Variants in ADGRV1 observed in about 807,000 individuals in gnomAD.
ADGRV1 encodes G-protein coupled receptor 98.
A neutral mutation model predicts 596.2 loss-of-function variants in ADGRV1; 359 were observed. That is an observed-to-expected ratio of 0.60 (90% confidence interval 0.55 to 0.66). The LOEUF is 0.66. Ranked by LOEUF, ADGRV1 falls within the 30% of genes least tolerant of loss-of-function variation. The pLI, the probability that ADGRV1 is intolerant of heterozygous loss-of-function variation, is 0.00. For missense variants in ADGRV1, 7,274 were observed against 7,575.6 expected, an observed-to-expected ratio of 0.96 and a Z score of 1.48; for synonymous variants, 2,681 against 2,679.2, an observed-to-expected ratio of 1.00 and a Z score of -0.02.
At position 90,805,277 on chromosome 5, in the gene ADGRV1, C is replaced by T; in HGVS notation, c.14662-7C>T. ...AATAAAATACTCTAAGCATGATTTTCCCTCAGGTCGGATTTGAATCCACTG... is the reference window on the plus strand; with the variant it reads ...AATAAAATACTCTAAGCATGATTTTTCCTCAGGTCGGATTTGAATCCACTG... On this transcript the variant is annotated splice_polypyrimidine_tract_variant and splice_region_variant and intron_variant, in intron 71 of 89. Transcript: ENST00000405460. 1.2e-6 allele frequency: 2 copies of T among 1,606,042 alleles called. No homozygotes were observed. The highest frequency in any genetic ancestry group is 1.7e-5 in the Admixed American group (1 of 59,856).
At position 90,614,710 on chromosome 5, in the gene ADGRV1, T is replaced by C. The variant is rs1449675288; in HGVS notation, c.23-125T>C. 6.7e-6 allele frequency: 5 copies of C among 747,634 alleles called. No homozygotes were observed. The East Asian group carries it at 1.4e-4, about 20-fold the overall frequency. 46.3% of individuals were successfully genotyped at this position (747,634 alleles called of 1,614,324 possible). ...TTGAGTTTGATGGCTTAATAGTAGA[T>C]GTATTTATGTCTTAGTTGTTTGCTG... On this transcript the variant is annotated intron_variant, in intron 1 of 89. Coordinates refer to ENST00000405460, the MANE Select transcript of ADGRV1 (RefSeq NM_032119.4).
intron 83 of ADGRV1, among the ~76,000 whole-genome samples, chr5:90,946,861 T>G (rs1007407920): frequency 3.3e-5 from 5 of 152,198 alleles, no homozygotes; most frequent in African/African-American, 1.2e-4. Context: ...ATCCAGTCTA[T>G]CATTGATGGA....
intron 85 of ADGRV1, among the ~76,000 whole-genome samples, chr5:91,013,957 T>G (rs1782940128): frequency 1.3e-5 from 2 of 151,980 alleles, no homozygotes; most frequent in Admixed American, 6.6e-5. Context: ...ATTTATTGAA[T>G]AGGGAGTCTT....
intron 30 of ADGRV1, among the ~76,000 whole-genome samples, chr5:90,690,411 C>T (rs1746313094): frequency 6.6e-6 from 1 of 152,114 alleles, no homozygotes; most frequent in Admixed American, 6.5e-5. Context: ...GATTTCTGGG[C>T]TTTCTTGATA....
Position 91,030,978 on chromosome 5 carries a change from C to A in ADGRV1, c.18153-41469C>A. On this transcript the variant is annotated intron_variant, in intron 85 of 89. Transcript: ENST00000405460. ...TTGTAATCAAAGGAAAAAACGTCGA[C>A]TGATTTTATATGTCAATCAGTTGTA... is the stretch of plus-strand genomic sequence containing the variant. 3.0e-6 allele frequency: 4 copies of A among 1,323,526 alleles called. No individual in the cohort carries two copies. In the South Asian group the frequency reaches 7.2e-5, roughly 24 times the overall value. The allele number at this position is 1,323,526 out of a possible 1,614,324, so 82.0% of individuals were successfully genotyped here. A position where few individuals can be genotyped will look rare whatever the true frequency, so the allele number is the denominator to read the frequency against.
intron 74 of ADGRV1, among the ~76,000 whole-genome samples, chr5:90,814,649 C>T (rs1014038583): frequency 3.3e-5 from 5 of 152,116 alleles, no homozygotes; most frequent in East Asian, 3.8e-4. Flanking sequence ...CCATATATGA[C>T]GTGCTTTGCT....
intron 8 of ADGRV1, 61 bp from the exon 9 acceptor site, chr5:90,629,149 A>G: frequency 2.3e-6 from 2 of 866,172 alleles, no homozygotes; most frequent in Non-Finnish European, 3.3e-6. Flanking sequence ...TGGAAAATAC[A>G]GAGTTTGATC....
At chr5:90,636,927 A>G (rs768818805) in intron 10 of ADGRV1, among the ~76,000 whole-genome samples, 1 of 152,194 alleles carries the variant, frequency 6.6e-6, no homozygotes, top group Non-Finnish European at 1.5e-5. Context: ...AAAAAACTTC[A>G]TCATGATATG....
intron 83 of ADGRV1, among the ~76,000 whole-genome samples, chr5:90,896,123 A>C (rs921511490): frequency 4.0e-5 from 6 of 151,758 alleles, no homozygotes; most frequent in African/African-American, 1.5e-4. Context: ...GTGATAAATT[A>C]ATTTAAATGC....
intron 78 of ADGRV1, among the ~76,000 whole-genome samples, chr5:90,847,871 G>T (rs113276036): frequency 9.2e-5 from 14 of 152,064 alleles, no homozygotes; most frequent in Non-Finnish European, 2.9e-5. Flanking sequence ...TGAGGGAGCC[G>T]GTTCCCGCCT....
intron 43 of ADGRV1, among the ~76,000 whole-genome samples, chr5:90,719,089 C>G (rs1568308): frequency 6.6e-6 from 1 of 151,742 alleles, no homozygotes; most frequent in African/African-American, 2.4e-5. Flanking sequence ...TGTAATCTTC[C>G]GGGGGCTAGG....
In ADGRV1 at chr5:90,629,198, C is replaced by A; in HGVS notation, c.1510-12C>A. 2.0e-6 allele frequency: 3 copies of A among 1,464,760 alleles called. No homozygotes were observed. The highest frequency in any genetic ancestry group is 3.0e-5 in the South Asian group (2 of 65,894). 90.7% of individuals were successfully genotyped at this position (1,464,760 alleles called of 1,614,324 possible). ...GAATTCTGTACTTTAATATTTTATT[C>A]CTTTACTTCAGCTTTTGTTCTACAT... On this transcript the variant is annotated splice_polypyrimidine_tract_variant and intron_variant, in intron 8 of 89. Coordinates refer to ENST00000405460, the MANE Select transcript of ADGRV1 (RefSeq NM_032119.4).
intron 84 of ADGRV1, among the ~76,000 whole-genome samples, chr5:90,982,818 T>C (rs924640548): frequency 2.0e-5 from 3 of 152,126 alleles, no homozygotes; most frequent in African/African-American, 7.2e-5. Context: ...CAGAGCACAC[T>C]GAGCGCACTC....
chr5:91,006,116 C>T (rs1167036859), intron 85 of ADGRV1, among the ~76,000 whole-genome samples: 1 of 152,042 alleles, frequency 6.6e-6, no homozygotes, highest in Non-Finnish European at 1.5e-5. Flanking sequence ...CGCCCATGTT[C>T]CTGGAAGTTT....
At position 90,750,718 on chromosome 5, in the gene ADGRV1, T is replaced by C. The variant is rs1275657292; in HGVS notation, c.11121+21T>C. ...GAGTGGTATGTAATTTACAAAGTTA[T>C]AGGAAACACTTTTAAATTATGGTTA... On this transcript the variant is annotated intron_variant, in intron 53 of 89. Coordinates refer to ENST00000405460, the MANE Select transcript of ADGRV1 (RefSeq NM_032119.4). 3 of 1,593,182 alleles carry C rather than the reference T, an allele frequency of 1.9e-6. No homozygotes were observed. In the East Asian group the frequency reaches 6.7e-5, roughly 36 times the overall value.
At position 90,995,634 on chromosome 5, in the gene ADGRV1, G is replaced by A. The variant is rs182488400; in HGVS notation, c.18152+10112G>A. On this transcript the variant is annotated intron_variant, in intron 85 of 89. Transcript: ENST00000405460. The stretch of plus-strand genomic sequence containing the variant: ...AAGGTGGAAGCAACTTTGAAATGGG[G>A]TAACAGGCAGAGATTGGAACAGTTT... Among the ~76,000 whole-genome samples the A allele has an allele frequency of 5.5e-3, 841 of 152,312 alleles. 8 individuals carry two copies. The highest frequency in any genetic ancestry group is 9.6e-3 in the Non-Finnish European group (653 of 68,020).
chr5:90,888,452 A>C (rs945787342), intron 83 of ADGRV1, among the ~76,000 whole-genome samples: 3 of 152,302 alleles, frequency 2.0e-5, no homozygotes, highest in Middle Eastern at 3.4e-3. Context: ...ATAAAATAGC[A>C]ATATCTTCTG....
intron 78 of ADGRV1, among the ~76,000 whole-genome samples, chr5:90,844,329 A>G (rs1765675726): frequency 6.6e-6 from 1 of 152,182 alleles, no homozygotes; most frequent in African/African-American, 2.4e-5. Context: ...AACAAAATCT[A>G]TTATATACAA....
chr5:90,795,099 T>G (rs1480371309), intron 70 of ADGRV1, among the ~76,000 whole-genome samples: 4 of 150,826 alleles, frequency 2.7e-5, no homozygotes, highest in Admixed American at 6.6e-5. Flanking sequence ...TTTTTTTTTT[T>G]TTTTTTTTTT....
Sources: allele counts gnomAD v4.1 joint callset (sites outside exome capture counted in the v4.1 genomes callset), GRCh38; gene constraint gnomAD v4.1.1; transcripts MANE v1.5; gene names NCBI Gene and HGNC (gene_info 2026-07-23, HGNC 2026-07-21).